Variants in AGAP1 observed in about 807,000 individuals in gnomAD.
AGAP1 encodes ArfGAP with GTPase domain, ankyrin repeat and PH domain 1.
A neutral mutation model predicts 105.3 loss-of-function variants in AGAP1; 29 were observed. The observed-to-expected ratio is 0.28, with a 90% CI of 0.21 to 0.38. The LOEUF (loss-of-function observed/expected upper bound fraction) is 0.38, where lower values mean the gene tolerates loss of function less well. AGAP1 is among the 10% of genes least tolerant of loss of function. The pLI, the probability that AGAP1 is intolerant of heterozygous loss-of-function variation, is 1.00. For synonymous variants in AGAP1, 509 were observed against 485.9 expected, an observed-to-expected ratio of 1.05 and a Z score of -0.63; for missense variants, 998 against 1,165.1, an observed-to-expected ratio of 0.86 and a Z score of 2.09.
rs186894249 is a variant in AGAP1 at position 235,743,664 on chromosome 2, A to G, written c.397-1034A>G. On this transcript the variant is annotated intron_variant, in intron 4 of 17. Transcript: ENST00000304032. ...CTGAATGCACTTTTCACTTACATGC[A>G]GAAGTCAGAGTTTAACCTGTTAAAA... Among the ~76,000 whole-genome samples the G allele has an allele frequency of 1.7e-3, 265 of 152,228 alleles. 1 individual carries two copies. Among genetic ancestry groups the G allele is most frequent in the African/African-American group, 5.5e-3 (230 of 41,586 alleles).
chr2:235,598,717 C>G (rs768354803), intron 1 of AGAP1, among the ~76,000 whole-genome samples: 3 of 152,228 alleles, frequency 2.0e-5, no homozygotes, highest in Non-Finnish European at 2.9e-5. Context: ...GGAGTCGTCC[C>G]TCCGGGTGCT....
At chr2:235,567,309 C>T (rs963981630) in intron 1 of AGAP1, among the ~76,000 whole-genome samples, 15 of 152,220 alleles carry the variant, frequency 9.9e-5, no homozygotes, top group Non-Finnish European at 2.9e-5. Flanking sequence ...GGTGTTTGTT[C>T]ATGAGAGAGG....
At position 235,712,772 on chromosome 2, in the gene AGAP1, A is replaced by C. The variant is rs10171822; in HGVS notation, c.222+3535A>C. Among the ~76,000 whole-genome samples the C allele has an allele frequency of 0.014, 2,192 of 152,238 alleles. 41 individuals carry two copies. Among genetic ancestry groups the C allele is most frequent in the African/African-American group, 0.049 (2,036 of 41,536 alleles). ...AGTACGTAGTTCTGTGATTTTCAAGACACCTCATTCCTCCTCATGTAGCTC... is the reference window on the plus strand; with the variant it reads ...AGTACGTAGTTCTGTGATTTTCAAGCCACCTCATTCCTCCTCATGTAGCTC... On this transcript the variant is annotated intron_variant, in intron 2 of 17. Transcript: ENST00000304032. The surrounding 1 kb of genome is among the most constrained non-coding windows in gnomAD (Gnocchi z 6.0).
At position 235,700,020 on chromosome 2, in the gene AGAP1, A is replaced by G. The variant is rs1040718401; in HGVS notation, c.164-9159A>G. Reference sequence around the variant, plus strand: ...GTGAACAAGCTTGTACTCAGCCTGTAGGTTAACAAGCTGGGGCCAGAAGGC... The same window carrying G: ...GTGAACAAGCTTGTACTCAGCCTGTGGGTTAACAAGCTGGGGCCAGAAGGC... On this transcript the variant is annotated intron_variant, in intron 1 of 17. Coordinates refer to ENST00000304032, the MANE Select transcript of AGAP1 (RefSeq NM_001037131.3). The surrounding 1 kb of genome is among the most constrained non-coding windows in gnomAD (Gnocchi z 6.1). Among the ~76,000 whole-genome samples the G allele has an allele frequency of 7.2e-5, 11 of 152,180 alleles. No homozygotes were observed. Among genetic ancestry groups the G allele is most frequent in the Non-Finnish European group, 4.4e-5 (3 of 68,022 alleles).
intron 9 of AGAP1, among the ~76,000 whole-genome samples, chr2:235,856,628 C>A (rs2048696936): frequency 6.6e-6 from 1 of 152,266 alleles, no homozygotes. Flanking sequence ...GTTCCTGTGA[C>A]TGGGGCTCAT....
chr2:236,048,838 C>T (rs2057806832), intron 15 of AGAP1, among the ~76,000 whole-genome samples: 1 of 152,220 alleles, frequency 6.6e-6, no homozygotes, highest in African/African-American at 2.4e-5. Flanking sequence ...AATTCCAAGG[C>T]TTTGGCTTCA....
chr2:235,756,437 G>T (rs1307996619), intron 6 of AGAP1, among the ~76,000 whole-genome samples: 1 of 152,094 alleles, frequency 6.6e-6, no homozygotes, highest in African/African-American at 2.4e-5. Flanking sequence ...AAAGAAAGAG[G>T]GGTTTCCCTT....
chr2:235,590,954 C>T (rs1483265122), intron 1 of AGAP1, among the ~76,000 whole-genome samples: 1 of 151,632 alleles, frequency 6.6e-6, no homozygotes, highest in Non-Finnish European at 1.5e-5. Flanking sequence ...ATCTCCTGAC[C>T]TCGTGATCCG....
chr2:235,634,091 G>C (rs921529672), intron 1 of AGAP1, among the ~76,000 whole-genome samples: 1 of 152,228 alleles, frequency 6.6e-6, no homozygotes, highest in African/African-American at 2.4e-5. Context: ...CCACAGGCAT[G>C]GGGGAAGCGG....
At chr2:235,671,714 A>T (rs1330355027) in intron 1 of AGAP1, among the ~76,000 whole-genome samples, 2 of 152,120 alleles carry the variant, frequency 1.3e-5, no homozygotes, top group Admixed American at 1.3e-4. Flanking sequence ...TTTCCTCATA[A>T]TGTAGGCTAG....
intron 1 of AGAP1, among the ~76,000 whole-genome samples, chr2:235,594,441 T>A (rs1184505683): frequency 6.6e-6 from 1 of 152,144 alleles, no homozygotes; most frequent in Admixed American, 6.5e-5. Flanking sequence ...TAAATGAGTT[T>A]CCTTTTGGCT....
intron 1 of AGAP1, among the ~76,000 whole-genome samples, chr2:235,503,329 T>G (rs1941645892): frequency 6.6e-6 from 1 of 152,174 alleles, no homozygotes; most frequent in Non-Finnish European, 1.5e-5. Context: ...CCCTTTGTTG[T>G]TGTTTTCGAA....
At chr2:235,514,260 A>G (rs1249045779) in intron 1 of AGAP1, among the ~76,000 whole-genome samples, 1 of 152,278 alleles carries the variant, frequency 6.6e-6, no homozygotes, top group Admixed American at 6.5e-5. Context: ...ATCCCAAAAT[A>G]TAAATTTACC....
At chr2:235,580,181 T>C (rs1199378016) in intron 1 of AGAP1, among the ~76,000 whole-genome samples, 1 of 152,216 alleles carries the variant, frequency 6.6e-6, no homozygotes, top group African/African-American at 2.4e-5. Context: ...ATCTTTTGGC[T>C]ACAGGGAACC....
intron 13 of AGAP1, among the ~76,000 whole-genome samples, chr2:235,995,266 A>G (rs572304000): frequency 2.6e-5 from 4 of 151,390 alleles, no homozygotes; most frequent in Non-Finnish European, 5.9e-5. Flanking sequence ...TGTAATCCCA[A>G]CACTTTGGGG....
chr2:235,868,479 G>A (rs575024417), intron 9 of AGAP1, among the ~76,000 whole-genome samples: 2 of 152,206 alleles, frequency 1.3e-5, no homozygotes, highest in African/African-American at 2.4e-5. Context: ...TTGACATGGC[G>A]CCGCCTGCGT....
At chr2:236,111,802 AAAAAAG>A (rs940370742) in intron 16 of AGAP1, among the ~76,000 whole-genome samples, 5 of 152,138 alleles carry the variant, frequency 3.3e-5, no homozygotes, top group African/African-American at 1.2e-4. Context: ...AAAAAAAAAA[AAAAAAG>A]AAAGGGTCCA....
rs754181254 is a variant in AGAP1 at position 235,799,506 on chromosome 2, G to A, written c.941G>A (p.Arg314Gln). The change falls in exon 8 of 18, where the codon CGG becomes CAG. Residue 314 changes from arginine to glutamine, a missense_variant. By Grantham distance (43) the Arg-to-Gln change is conservative (BLOSUM62 1). This residue lies in a region of AGAP1 where 735 missense variants were observed against 833.4 expected (regional missense o/e 0.88). Coordinates refer to ENST00000304032, the MANE Select transcript of AGAP1 (RefSeq NM_001037131.3). The surrounding 1 kb of genome is among the most constrained non-coding windows in gnomAD (Gnocchi z 5.0). ...PTPVRKQSKR[R>Q]SNLFTSRKGS... ...CCCGTTCGCAAGCAGTCTAAGCGCCGGTCCAACCTGTTCACCGTGAGTGTC... is the reference window on the plus strand; with the variant it reads ...CCCGTTCGCAAGCAGTCTAAGCGCCAGTCCAACCTGTTCACCGTGAGTGTC... The A allele has an allele frequency of 8.1e-6, 13 of 1,613,954 alleles. No homozygotes were observed. Among genetic ancestry groups the A allele is most frequent in the East Asian group, 4.5e-5 (2 of 44,890 alleles).
intron 13 of AGAP1, among the ~76,000 whole-genome samples, chr2:235,972,162 C>T (rs1307151067): frequency 1.3e-5 from 2 of 152,172 alleles, no homozygotes; most frequent in Admixed American, 6.5e-5. Context: ...CTGGTTACTA[C>T]TAGTGTATTC....
Sources: allele counts gnomAD v4.1 joint callset (sites outside exome capture counted in the v4.1 genomes callset), GRCh38; gene constraint gnomAD v4.1.1; regional missense constraint gnomAD v4.1.1; non-coding constraint Gnocchi (gnomAD v3.1); transcripts MANE v1.5; gene names NCBI Gene and HGNC (gene_info 2026-07-23, HGNC 2026-07-21).